Variants in ERCC3 observed in about 807,000 individuals in gnomAD.
ERCC3 encodes the protein general transcription and DNA repair factor IIH helicase/translocase subunit XPB.
A neutral mutation model predicts 94.2 loss-of-function variants in ERCC3; 66 were observed. That is an observed-to-expected ratio of 0.70 (90% CI 0.57 to 0.86). ERCC3 has a LOEUF of 0.86. Among genes scored for constraint, ERCC3 ranks in the 40% least tolerant of loss-of-function variants. The pLI, the probability that ERCC3 is intolerant of heterozygous loss-of-function variation, is 0.00. For missense variants in ERCC3, 829 were observed against 987.1 expected (o/e 0.84, Z 2.15); for synonymous variants, 349 against 369.1 (o/e 0.95, Z 0.63).
intron 5 of ERCC3, 73 bp downstream of exon 5, chr2:127,289,616 G>A (rs1685197408): frequency 6.2e-7 from 1 of 1,607,144 alleles, no homozygotes; most frequent in Non-Finnish European, 8.5e-7. Flanking sequence ...TAAGTGCTGG[G>A]TTAAAGACAC....
intron 10 of ERCC3, among the ~76,000 whole-genome samples, chr2:127,276,369 A>T (rs1354207063): frequency 6.6e-6 from 1 of 152,238 alleles, no homozygotes; most frequent in Non-Finnish European, 1.5e-5. Flanking sequence ...AATACAGTCA[A>T]GGATTACCAA....
At chr2:127,261,059 A>C (rs1684175717) in intron 13 of ERCC3, 169 bp downstream of exon 13, 2 of 662,440 alleles carry the variant, frequency 3.0e-6, no homozygotes, top group Non-Finnish European at 5.6e-6. Flanking sequence ...ACTTTCCACC[A>C]ACAGCTGCCC....
rs774984220 is a variant in ERCC3, at chr2:127,280,144, T to A, written c.1527+303A>T. 1.2e-4 allele frequency among the ~76,000 whole-genome samples: 18 copies of A among 152,194 alleles called. No homozygotes were observed. The highest frequency in any genetic ancestry group is 1.5e-4 in the Non-Finnish European group (10 of 68,040). Reference sequence around the variant, plus strand: ...GGCAGCACTGTGGTATCAGGGGCCTTCATTCATCCCTGTGCCCTGAATGCT... The same window carrying A: ...GGCAGCACTGTGGTATCAGGGGCCTACATTCATCCCTGTGCCCTGAATGCT... On this transcript the variant is annotated intron_variant, in intron 9 of 14. Coordinates refer to ENST00000285398, the MANE Select transcript of ERCC3 (RefSeq NM_000122.2). The surrounding 1 kb of genome is among the most constrained non-coding windows in gnomAD (Gnocchi z 6.3).
chr2:127,289,121 G>A (rs1685178913), intron 6 of ERCC3, among the ~76,000 whole-genome samples: 1 of 152,176 alleles, frequency 6.6e-6, no homozygotes, highest in Non-Finnish European at 1.5e-5. Context: ...AACCTGTGAA[G>A]ACCAGCCTAC....
At chr2:127,288,606 T>C in intron 7 of ERCC3, 54 bp downstream of exon 7, 1 of 1,467,190 alleles carries the variant, frequency 6.8e-7, no homozygotes, top group South Asian at 1.1e-5. Flanking sequence ...GGGAGGCAGC[T>C]GGCAGATCCA....
At chr2:127,262,425 A>C (rs4150507) in intron 12 of ERCC3, 13,307 of 152,372 alleles carry the variant, frequency 0.087, 771 homozygotes, top group African/African-American at 0.17. Flanking sequence ...CCTGCGAGGC[A>C]GTGGTTGCAG....
rs192914113 is a variant in ERCC3, at chr2:127,257,372, G to A, written c.*224C>T. 1.7e-6 allele frequency: 1 copy of A among 600,974 alleles called. No homozygotes were observed. The highest frequency in any genetic ancestry group is 1.9e-5 in the African/African-American group (1 of 53,758). 37.2% of individuals were successfully genotyped at this position (600,974 alleles called of 1,614,324 possible). On this transcript the variant is annotated 3_prime_UTR_variant, in exon 15 of 15. Coordinates refer to ENST00000285398, the MANE Select transcript of ERCC3 (RefSeq NM_000122.2). This position sits in a 1 kb window ranked among gnomAD's most constrained non-coding sequence, Gnocchi z 5.4. Reference sequence around the variant, plus strand: ...ATTAACATTTTTTATATACAGAAATGACCCCACTCCCCAAAAAGTTTGAAA... The same window carrying A: ...ATTAACATTTTTTATATACAGAAATAACCCCACTCCCCAAAAAGTTTGAAA...
In ERCC3 at chr2:127,257,599, T is replaced by C; in HGVS notation, c.2346A>G (p.Lys782=). Reference sequence around the variant, plus strand: ...AACGAAGTACCCTGCCTAAGCATCATTTCCTAAAGCGCTTGAAGAGCGGGT... The same window carrying C: ...AACGAAGTACCCTGCCTAAGCATCACTTCCTAAAGCGCTTGAAGAGCGGGT... ...HVHPLFKRFR[K] Residue 782 remains lysine, a synonymous_variant, in exon 15 of 15, where the codon AAA becomes AAG. Transcript: ENST00000285398. The surrounding 1 kb of genome is among the most constrained non-coding windows in gnomAD (Gnocchi z 5.4). 1 of 1,613,914 alleles carries C rather than the reference T, an allele frequency of 6.2e-7. No homozygotes were observed. Among genetic ancestry groups the C allele is most frequent in the South Asian group, 1.1e-5 (1 of 91,074 alleles).
Position 127,294,000 on chromosome 2 carries a change from G to T in ERCC3, c.28+54C>A, listed in dbSNP as rs1231653910. On this transcript the variant is annotated intron_variant, in intron 1 of 14. Transcript: ENST00000285398. ...CCGGAGCAGCTCCGAGGCAGAGCGG[G>T]GGGCAGGGCCGGCAAGGGCAGTCGT... The T allele has an allele frequency of 3.8e-6, 6 of 1,593,468 alleles. No homozygotes were observed. In the African/African-American group the frequency reaches 8.0e-5, roughly 21 times the overall value.
intron 12 of ERCC3, among the ~76,000 whole-genome samples, chr2:127,267,005 G>A (rs1047796808): frequency 2.6e-5 from 4 of 152,142 alleles, no homozygotes; most frequent in African/African-American, 7.2e-5. Context: ...TGTGAGCCAC[G>A]GCACCAGGCC....
At chr2:127,270,935 C>T (rs1243472028) in intron 12 of ERCC3, among the ~76,000 whole-genome samples, 1 of 152,212 alleles carries the variant, frequency 6.6e-6, no homozygotes, top group Non-Finnish European at 1.5e-5. Flanking sequence ...CCAAGCTGCT[C>T]CTACCAAACC....
chr2:127,280,480 A>G lies in ERCC3; in HGVS notation c.1494T>C (p.Asn498=), dbSNP rs558704941. ...LYEANWMELQ[N]NGYIAKVQCA... is the part of the protein sequence containing the mutation. The stretch of plus-strand genomic sequence containing the variant: ...ACTGGACTTTGGCGATGTAGCCATT[A>G]TTCTGCAGCTCCATCCAGTTGGCTT... The change falls in exon 9 of 15, where the codon AAT becomes AAC. Residue 498 remains asparagine, a synonymous_variant. Coordinates refer to ENST00000285398, the MANE Select transcript of ERCC3 (RefSeq NM_000122.2). This position sits in a 1 kb window ranked among gnomAD's most constrained non-coding sequence, Gnocchi z 6.3. 1 of 1,613,708 alleles carries G rather than the reference A, an allele frequency of 6.2e-7. No homozygotes were observed. Among genetic ancestry groups the G allele is most frequent in the South Asian group, 1.1e-5 (1 of 91,000 alleles).
intron 8 of ERCC3, among the ~76,000 whole-genome samples, chr2:127,285,147 T>C (rs768183742): frequency 2.4e-4 from 36 of 152,206 alleles, no homozygotes; most frequent in Non-Finnish European, 2.8e-4. Context: ...TATTGTATGA[T>C]TGTGTTTATA....
At chr2:127,273,104 A>T in intron 10 of ERCC3, 143 bp from the exon 11 acceptor site, 1 of 627,014 alleles carries the variant, frequency 1.6e-6, no homozygotes, top group Non-Finnish European at 2.9e-6. Context: ...ACCCAAAAAA[A>T]TGACTGGCTA....
chr2:127,274,418 G>A lies in ERCC3; in HGVS notation c.1731-1457C>T, dbSNP rs7558291. Reference sequence around the variant, plus strand: ...GTTTCATGTTCCCCAATTTACATGTGGGAAACCAAGGGTCAGAAGCCTGAG... The same window carrying A: ...GTTTCATGTTCCCCAATTTACATGTAGGAAACCAAGGGTCAGAAGCCTGAG... On this transcript the variant is annotated intron_variant, in intron 10 of 14. Transcript: ENST00000285398. The surrounding 1 kb of genome is among the most constrained non-coding windows in gnomAD (Gnocchi z 4.0). Among the ~76,000 whole-genome samples the A allele has an allele frequency of 2.4e-4, 36 of 152,242 alleles. No individual in the cohort carries two copies. The highest frequency in any genetic ancestry group is 7.2e-4 in the African/African-American group (30 of 41,466).
In ERCC3 at chr2:127,271,425, T is replaced by A. The variant is rs1473837762; in HGVS notation, c.1856A>T (p.Glu619Val). 3 of 1,614,098 alleles carry A rather than the reference T, an allele frequency of 1.9e-6. No individual in the cohort carries two copies. The highest frequency in any genetic ancestry group is 8.5e-7 in the Non-Finnish European group (1 of 1,180,012). ...TGAGATCTGAATGAGGACATTTGCT[T>A]CCGGCAGATCAAACGAAGTGTCACC... ...KVGDTSFDLP[E>V]ANVLIQISSH... Residue 619 changes from glutamate (E) to valine (V), a missense_variant, in exon 12 of 15, where the codon GAA becomes GTA. By Grantham distance (121) the Glu-to-Val change is moderately radical. Transcript: ENST00000285398. The surrounding 1 kb of genome is among the most constrained non-coding windows in gnomAD (Gnocchi z 5.0).
At position 127,280,602 on chromosome 2, in the gene ERCC3, C is replaced by T. The variant is rs747124421; in HGVS notation, c.1372G>A (p.Val458Met). The change falls in exon 9 of 15, where the codon GTG becomes ATG. Residue 458 changes from valine to methionine, a missense_variant. Val to Met is a conservative substitution (Grantham distance 21). Transcript: ENST00000285398. The surrounding 1 kb of genome is among the most constrained non-coding windows in gnomAD (Gnocchi z 6.3). ...AAACCCAGCTTACAGTGGGCCTGCA[C>T]GATGGTGAGCACCCTTCGGAACATC... ...AKMFRRVLTI[V>M]QAHCKLGLTA... is the part of the protein sequence containing the mutation. The T allele has an allele frequency of 5.6e-6, 9 of 1,614,012 alleles. No individual in the cohort carries two copies. In the Admixed American group the frequency reaches 6.7e-5, roughly 12 times the overall value.
At chr2:127,288,937 C>G in intron 6 of ERCC3, 73 bp from the exon 7 acceptor site, 1 of 1,199,620 alleles carries the variant, frequency 8.3e-7, no homozygotes, top group Non-Finnish European at 1.2e-6. Context: ...TCTAAGAGGT[C>G]CAATGGTCAA....
rs772514524 is a variant in ERCC3 at position 127,274,632 on chromosome 2, G to A, written c.1731-1671C>T. Among the ~76,000 whole-genome samples, 2 of 152,228 alleles carry A rather than the reference G, an allele frequency of 1.3e-5. No homozygotes were observed. Among genetic ancestry groups the A allele is most frequent in the Non-Finnish European group, 2.9e-5 (2 of 68,046 alleles). On this transcript the variant is annotated intron_variant, in intron 10 of 14. Coordinates refer to ENST00000285398, the MANE Select transcript of ERCC3 (RefSeq NM_000122.2). This position sits in a 1 kb window ranked among gnomAD's most constrained non-coding sequence, Gnocchi z 4.0. ...TCACAAGCTGCCTTGCCGTGATCCAGAATGTCCCGGCCACCACATAATTTT... is the reference window on the plus strand; with the variant it reads ...TCACAAGCTGCCTTGCCGTGATCCAAAATGTCCCGGCCACCACATAATTTT...
Sources: gnomAD v4.1 joint callset for allele counts (sites outside exome capture counted in the v4.1 genomes callset) on GRCh38, gnomAD v4.1.1 for gene constraint, Gnocchi (gnomAD v3.1) non-coding constraint, MANE v1.5 for transcripts, NCBI Gene and HGNC (gene_info 2026-07-23, HGNC 2026-07-21) for gene names.